The following ASIC2 variants were observed in gnomAD, a reference collection of about 807,000 sequenced individuals.
The protein encoded by ASIC2 is acid-sensing ion channel 2.
ASIC2 carries 25 observed loss-of-function variants against 57.3 expected under a neutral mutation model. The ratio of observed to expected loss-of-function variants is 0.44; its 90% CI spans 0.32 to 0.61. ASIC2 has a LOEUF of 0.61. Among genes scored for constraint, ASIC2 ranks in the 20% least tolerant of loss-of-function variants. The pLI is 0.06. For synonymous variants in ASIC2, 319 were observed against 307.5 expected, an observed-to-expected ratio of 1.04 and a Z score of -0.39; for missense variants, 641 against 738.1, an observed-to-expected ratio of 0.87 and a Z score of 1.52.
At chr17:34,071,634 A>G (rs1329968251) in intron 1 of ASIC2, 1 of 152,284 alleles carries the variant, frequency 6.6e-6, no homozygotes, top group Non-Finnish European at 1.5e-5. Flanking sequence ...GTTCGAGACC[A>G]GCCTGGCCAA....
At chr17:33,268,217 A>C (rs1228932263) in intron 1 of ASIC2, among the ~76,000 whole-genome samples, 1 of 152,056 alleles carries the variant, frequency 6.6e-6, no homozygotes, top group Non-Finnish European at 1.5e-5. Flanking sequence ...GAGCAATCTG[A>C]TGTCTTTCCA....
At chr17:33,471,915 C>T (rs908413728) in intron 1 of ASIC2, among the ~76,000 whole-genome samples, 4 of 152,038 alleles carry the variant, frequency 2.6e-5, no homozygotes, top group South Asian at 4.2e-4. Flanking sequence ...GATAGTATTT[C>T]CTCATTTGAC....
intron 1 of ASIC2, among the ~76,000 whole-genome samples, chr17:33,461,432 C>G (rs1382765083): frequency 3.3e-5 from 5 of 152,160 alleles, no homozygotes; most frequent in Admixed American, 1.3e-4. Flanking sequence ...GATCTTCACA[C>G]TCAATCTCCT....
chr17:34,038,379 G>C (rs1268207076), intron 1 of ASIC2: 13 of 1,611,498 alleles, frequency 8.1e-6, no homozygotes, highest in Non-Finnish European at 8.5e-6. Context: ...GGATGGTCCA[G>C]CTCTTTATGA....
intron 1 of ASIC2, among the ~76,000 whole-genome samples, chr17:33,891,959 T>C (rs571596531): frequency 5.9e-5 from 9 of 152,332 alleles, no homozygotes; most frequent in African/African-American, 1.2e-4. Flanking sequence ...GGCATCTTTG[T>C]CTACCATTTT....
rs1477412847 is a variant in ASIC2 at position 34,079,191 on chromosome 17, CCA to C, written c.555+76785_555+76786del. 8 of 152,372 alleles carry C rather than the reference CCA, an allele frequency of 5.3e-5. No individual in the cohort carries two copies. In the East Asian group the frequency reaches 1.4e-3, roughly 26 times the overall value. The allele number at this position is 152,372 out of a possible 1,614,324, so 9.4% of individuals were successfully genotyped here. A position where few individuals can be genotyped will look rare whatever the true frequency, so the allele number is the denominator to read the frequency against. The stretch of plus-strand genomic sequence containing the variant: ...CTGCTCAAAATTCTTCAGCAGCTCC[CCA>C]CAGTTTTCAGGATAGAAATTCTTAT... On this transcript the variant is annotated intron_variant, in intron 1 of 9. Coordinates refer to the ASIC2 transcript ENST00000359872.
chr17:33,149,492 A>C (rs1904699759), intron 1 of ASIC2, among the ~76,000 whole-genome samples: 1 of 152,216 alleles, frequency 6.6e-6, no homozygotes, highest in Non-Finnish European at 1.5e-5. Flanking sequence ...CATTGAGTGA[A>C]GAGGCTACGT....
intron 1 of ASIC2, among the ~76,000 whole-genome samples, chr17:33,361,557 T>C (rs942186135): frequency 3.9e-5 from 6 of 152,238 alleles, no homozygotes. Flanking sequence ...TCTGTGTTGG[T>C]GGTAACTGCC....
intron 1 of ASIC2, among the ~76,000 whole-genome samples, chr17:33,991,770 T>C (rs1386528263): frequency 6.6e-6 from 1 of 152,236 alleles, no homozygotes; most frequent in African/African-American, 2.4e-5. Context: ...AGATTTGGTT[T>C]TTCCTTGGTT....
At chr17:34,117,926 T>C (rs914931587) in intron 1 of ASIC2, among the ~76,000 whole-genome samples, 1 of 152,144 alleles carries the variant, frequency 6.6e-6, no homozygotes, top group Admixed American at 6.5e-5. Flanking sequence ...CACTATCCAG[T>C]CCTCAGAATG....
chr17:33,796,295 A>G (rs10438793), intron 1 of ASIC2, among the ~76,000 whole-genome samples: 104,364 of 152,006 alleles, frequency 0.69, 36,642 homozygotes, highest in Non-Finnish European at 0.77. Flanking sequence ...TGCTAAGCAC[A>G]TCTGGGTCAG....
At position 33,774,664 on chromosome 17, in the gene ASIC2, A is replaced by G. The variant is rs187882704; in HGVS notation, c.555+381314T>C. Among the ~76,000 whole-genome samples, 3 of 152,182 alleles carry G rather than the reference A, an allele frequency of 2.0e-5. No homozygotes were observed. The South Asian group carries it at 6.2e-4, about 32-fold the overall frequency. On this transcript the variant is annotated intron_variant, in intron 1 of 9. Transcript: ENST00000359872. Reference sequence around the variant, plus strand: ...GACCAAAATTGTATGACATAGCAACACCTTGTTAAATGGGAGTTTGGAGAC... The same window carrying G: ...GACCAAAATTGTATGACATAGCAACGCCTTGTTAAATGGGAGTTTGGAGAC...
chr17:34,137,769 A>G (rs1912164645), intron 1 of ASIC2, among the ~76,000 whole-genome samples: 1 of 152,094 alleles, frequency 6.6e-6, no homozygotes, highest in Admixed American at 6.5e-5. Flanking sequence ...TTCCTGATTC[A>G]TAGATGGTGC....
chr17:33,508,005 T>C (rs910712667), intron 1 of ASIC2, among the ~76,000 whole-genome samples: 1 of 152,186 alleles, frequency 6.6e-6, no homozygotes, highest in African/African-American at 2.4e-5. Context: ...CGCTGACTCC[T>C]CACATCATTC....
At chr17:33,914,546 G>A (rs773354072) in intron 1 of ASIC2, among the ~76,000 whole-genome samples, 2 of 152,174 alleles carry the variant, frequency 1.3e-5, no homozygotes, top group Non-Finnish European at 2.9e-5. Flanking sequence ...AGGCTAAGGG[G>A]TAGGTGGTGT....
chr17:33,986,315 C>G (rs1461328259), intron 1 of ASIC2, among the ~76,000 whole-genome samples: 2 of 151,438 alleles, frequency 1.3e-5, no homozygotes, highest in African/African-American at 2.4e-5. Flanking sequence ...AAGTGAAGTT[C>G]TTAGTAGGAG....
chr17:33,734,207 C>T (rs1909839563), intron 1 of ASIC2, among the ~76,000 whole-genome samples: 1 of 151,918 alleles, frequency 6.6e-6, no homozygotes, highest in African/African-American at 2.4e-5. Context: ...GAGGCCAGCC[C>T]TTCCTCCCAT....
At chr17:33,185,892 A>G (rs141893450) in intron 1 of ASIC2, among the ~76,000 whole-genome samples, 2 of 152,298 alleles carry the variant, frequency 1.3e-5, no homozygotes, top group East Asian at 3.9e-4. Flanking sequence ...TTGCTTCAGA[A>G]GTGGGGACAA....
At chr17:34,104,690 T>C (rs1910981857) in intron 1 of ASIC2, among the ~76,000 whole-genome samples, 1 of 152,088 alleles carries the variant, frequency 6.6e-6, no homozygotes, top group Non-Finnish European at 1.5e-5. Context: ...TGGATATTGT[T>C]AAATGCCTTT....
Sources: gnomAD v4.1 joint callset for allele counts (sites outside exome capture counted in the v4.1 genomes callset) on GRCh38, gnomAD v4.1.1 for gene constraint, MANE v1.5 for transcripts, NCBI Gene and HGNC (gene_info 2026-07-23, HGNC 2026-07-21) for gene names.